WDHD1: variants seen among roughly 807,000 people sequenced by gnomAD.
WDHD1 encodes the protein WD repeat and HMG-box DNA-binding protein 1.
WDHD1 carries 111 observed loss-of-function variants against 135.4 expected under a neutral mutation model. That is an observed-to-expected ratio of 0.82 (90% CI 0.70 to 0.96). The LOEUF is 0.96. Ranked by LOEUF, WDHD1 falls within the 40% of genes least tolerant of loss-of-function variation. WDHD1 has a pLI of 0.00. For missense variants in WDHD1, 1,351 were observed against 1,336.3 expected, an observed-to-expected ratio of 1.01 and a Z score of -0.17; for synonymous variants, 434 against 439.0, an observed-to-expected ratio of 0.99 and a Z score of 0.14.
At chr14:55,026,887 C>T in intron 1 of WDHD1, 84 bp from the exon 2 acceptor site, 3 of 1,323,608 alleles carry the variant, frequency 2.3e-6, no homozygotes, top group Non-Finnish European at 3.2e-6. Context: ...GCTTAGTCTC[C>T]TCTAGGGCCC....
chr14:54,954,483 A>G (rs1230110539), intron 24 of WDHD1, among the ~76,000 whole-genome samples: 1 of 152,218 alleles, frequency 6.6e-6, no homozygotes, highest in African/African-American at 2.4e-5. Flanking sequence ...ACCATACATG[A>G]ATCCATCTTA....
At chr14:54,990,426 T>A (rs1311761969) in intron 12 of WDHD1, among the ~76,000 whole-genome samples, 1 of 151,932 alleles carries the variant, frequency 6.6e-6, no homozygotes, top group Non-Finnish European at 1.5e-5. Flanking sequence ...TGAAATCCCA[T>A]CTCTACTAAA....
chr14:54,948,182 T>C (rs1054363625), intron 24 of WDHD1, among the ~76,000 whole-genome samples: 3 of 152,114 alleles, frequency 2.0e-5, no homozygotes, highest in African/African-American at 7.2e-5. Flanking sequence ...TTCATCTCAC[T>C]AGGGCTTGTC....
At chr14:54,949,380 T>C (rs1311551863) in intron 24 of WDHD1, among the ~76,000 whole-genome samples, 3 of 152,018 alleles carry the variant, frequency 2.0e-5, no homozygotes, top group Non-Finnish European at 2.9e-5. Flanking sequence ...GCCAATTCAA[T>C]CAACTGGAAG....
At position 54,957,173 on chromosome 14, in the gene WDHD1, G is replaced by C. The variant is rs767431091; in HGVS notation, c.2777C>G (p.Ser926Ter). 3 of 1,614,012 alleles carry C rather than the reference G, an allele frequency of 1.9e-6. No homozygotes were observed. The East Asian group carries it at 6.7e-5, about 36-fold the overall frequency. ...ATTAGTTGAACGTGCTGAATTCATTGACATGGCTGGTTCTTTGGAACTGGC... is the reference window on the plus strand; with the variant it reads ...ATTAGTTGAACGTGCTGAATTCATTCACATGGCTGGTTCTTTGGAACTGGC... ...VSASSKEPAMSMNSARSTNIL... is the reference protein window; with the variant it reads ...VSASSKEPAM The change falls in exon 23 of 26, where the codon TCA becomes TGA. Residue 926 changes from serine (S) to a stop codon, truncating the protein, a stop_gained. Coordinates refer to ENST00000360586, the MANE Select transcript of WDHD1 (RefSeq NM_007086.4). LOFTEE classifies it high-confidence loss of function.
chr14:55,015,543 T>C (rs2042246641), intron 2 of WDHD1, among the ~76,000 whole-genome samples: 1 of 152,134 alleles, frequency 6.6e-6, no homozygotes, highest in Admixed American at 6.5e-5. Flanking sequence ...TTCCTACCCT[T>C]TCCTGATGCA....
chr14:55,015,353 G>A (rs897975523), intron 2 of WDHD1, among the ~76,000 whole-genome samples: 3 of 115,716 alleles, frequency 2.6e-5, no homozygotes, highest in African/African-American at 9.9e-5. Context: ...CACTACTGTA[G>A]CCTGGGAAAC....
Position 54,984,810 on chromosome 14 carries a change from C to G in WDHD1, c.1819G>C (p.Gly607Arg), listed in dbSNP as rs747829304. 3.1e-6 allele frequency: 5 copies of G among 1,613,152 alleles called. No individual in the cohort carries two copies. The African/African-American group carries it at 6.7e-5, about 22-fold the overall frequency. ...QCLGVQLLEL[G>R]KKKKQILHGD... ...TGCAAAATTTGTTTTTTCTTTTTCC[C>G]CAGCTCTAGCAGTTGAACTCCAAGG... is the stretch of plus-strand genomic sequence containing the variant. Residue 607 changes from glycine to arginine, a missense_variant, in exon 15 of 26, where the codon GGG becomes CGG. Gly to Arg is a moderately radical substitution (Grantham distance 125). Coordinates refer to ENST00000360586, the MANE Select transcript of WDHD1 (RefSeq NM_007086.4).
chr14:54,997,537 A>C (rs966573114), intron 10 of WDHD1, among the ~76,000 whole-genome samples: 2 of 152,338 alleles, frequency 1.3e-5, no homozygotes, highest in African/African-American at 4.8e-5. Context: ...TGCTATAAGA[A>C]GATATTCAAC....
rs757518680 is a variant in WDHD1 at position 54,984,860 on chromosome 14, C to T, written c.1769G>A (p.Gly590Asp). 3.4e-5 allele frequency: 55 copies of T among 1,608,082 alleles called. No homozygotes were observed. The highest frequency in any genetic ancestry group is 4.2e-5 in the Non-Finnish European group (49 of 1,178,396). Residue 590 changes from glycine to aspartate, a missense_variant and splice_region_variant, in exon 15 of 26, where the codon GGT becomes GAT. This residue lies in a region of WDHD1 where 1,330 missense variants were observed against 1,296.1 expected (regional missense o/e 1.03). Transcript: ENST00000360586. ...GEQLFIVYHR[G>D]TGFDGDQCLG... ...GCACTGATCCCCATCAAATCCTGTACCTAATGAGAAAATGTAAATATAAAT... is the reference window on the plus strand; with the variant it reads ...GCACTGATCCCCATCAAATCCTGTATCTAATGAGAAAATGTAAATATAAAT...
At chr14:55,000,070 T>C (rs1241237265) in intron 10 of WDHD1, among the ~76,000 whole-genome samples, 3 of 152,130 alleles carry the variant, frequency 2.0e-5, no homozygotes, top group African/African-American at 4.8e-5. Flanking sequence ...TGAATATAAA[T>C]AGGTACATCT....
At chr14:55,017,691 G>C (rs192621686) in intron 2 of WDHD1, among the ~76,000 whole-genome samples, 2 of 152,084 alleles carry the variant, frequency 1.3e-5, no homozygotes, top group African/African-American at 4.8e-5. Context: ...AAACACAAAA[G>C]TACTTGAATT....
In WDHD1 at chr14:54,957,626, G is replaced by A; in HGVS notation, c.2711C>T (p.Thr904Ile). 1 of 1,606,200 alleles carries A rather than the reference G, an allele frequency of 6.2e-7. No individual in the cohort carries two copies. Among genetic ancestry groups the A allele is most frequent in the African/African-American group, 1.3e-5 (1 of 74,506 alleles). The change falls in exon 22 of 26, where the codon ACC (threonine) becomes ATC (isoleucine). Residue 904 changes from threonine (T) to isoleucine (I), a missense_variant. This residue lies in a region of WDHD1 where 1,330 missense variants were observed against 1,296.1 expected (regional missense o/e 1.03). Transcript: ENST00000360586. Reference protein sequence around the residue: ...SDVSAKSGAVTFSSQGRVNPF... With the variant: ...SDVSAKSGAVIFSSQGRVNPF... ...ATTTACTCGTCCTTGGCTGCTAAAG[G>A]TAACTGCACCTTTCACAAAAAAGAA... is the stretch of plus-strand genomic sequence containing the variant.
At chr14:55,016,844 T>C (rs1233594744) in intron 2 of WDHD1, among the ~76,000 whole-genome samples, 1 of 152,192 alleles carries the variant, frequency 6.6e-6, no homozygotes, top group Non-Finnish European at 1.5e-5. Context: ...GGTGCAAGCA[T>C]AAAAAGTGAA....
Position 55,008,537 on chromosome 14 carries a change from G to C in WDHD1, c.453+71C>G. ...AGTTGAGTTAGCAGAAAATTTTTTA[G>C]AGAGTTAGTAGGAAATATATTTTTA... On this transcript the variant is annotated intron_variant, in intron 5 of 25. Transcript: ENST00000360586. 8 of 1,479,632 alleles carry C rather than the reference G, an allele frequency of 5.4e-6. 1 individual carries two copies. In the South Asian group the frequency reaches 9.0e-5, roughly 17 times the overall value. The allele number at this position is 1,479,632 out of a possible 1,614,324, so 91.7% of individuals were successfully genotyped here.
At position 54,939,485 on chromosome 14, in the gene WDHD1, G is replaced by A. The variant is rs1393537582; in HGVS notation, c.*2005C>T. The stretch of plus-strand genomic sequence containing the variant: ...ATTAAGTATATGTCAATTTTCTATA[G>A]TATACAATAAGCTCAAGTAGGCAAT... On this transcript the variant is annotated 3_prime_UTR_variant, in exon 26 of 26. Transcript: ENST00000360586. 1 of 151,296 alleles carries A rather than the reference G, an allele frequency of 6.6e-6. No individual in the cohort carries two copies. The allele number at this position is 151,296 out of a possible 1,614,324, so 9.4% of individuals were successfully genotyped here.
At chr14:55,013,633 T>C (rs1419911751) in intron 2 of WDHD1, 37 bp from the exon 3 acceptor site, 1 of 1,507,608 alleles carries the variant, frequency 6.6e-7, no homozygotes, top group Non-Finnish European at 9.2e-7. Context: ...TCATCGGGCA[T>C]GGTGTCTCAT....
rs768092361 is a variant in WDHD1, at chr14:55,026,716, A to G, written c.72T>C (p.Ser24=). ...TGTTTCTCAAAGAACCTTACCTCCC[A>G]GAATCATCAAAACAGACCTCCGTGT... ...EGHTEVCFDD[S]GSFIVTCGSD... Residue 24 remains serine, a synonymous_variant, in exon 2 of 26, where the codon TCT becomes TCC. Coordinates refer to ENST00000360586, the MANE Select transcript of WDHD1 (RefSeq NM_007086.4). 1.2e-6 allele frequency: 2 copies of G among 1,614,226 alleles called. No homozygotes were observed. The highest frequency in any genetic ancestry group is 3.3e-5 in the Admixed American group (2 of 60,022).
rs7151285 is a variant in WDHD1, at chr14:54,941,274, C to T, written c.*216G>A. 1,659 of 386,946 alleles carry T rather than the reference C, an allele frequency of 4.3e-3. 22 individuals carry two copies. The highest frequency in any genetic ancestry group is 0.032 in the African/African-American group (1,528 of 48,458). 24.0% of individuals were successfully genotyped at this position (386,946 alleles called of 1,614,324 possible). A position where few individuals can be genotyped will look rare whatever the true frequency, so the allele number is the denominator to read the frequency against. Reference sequence around the variant, plus strand: ...ACAATCACAATGCATCTCTGAAAGGCCCTGCATTTGGAGGCAGAGTAATCT... The same window carrying T: ...ACAATCACAATGCATCTCTGAAAGGTCCTGCATTTGGAGGCAGAGTAATCT... On this transcript the variant is annotated 3_prime_UTR_variant, in exon 26 of 26. Coordinates refer to ENST00000360586, the MANE Select transcript of WDHD1 (RefSeq NM_007086.4).
Sources: allele counts gnomAD v4.1 joint callset (sites outside exome capture counted in the v4.1 genomes callset), GRCh38; gene constraint gnomAD v4.1.1; regional missense constraint gnomAD v4.1.1; transcripts MANE v1.5; gene names NCBI Gene and HGNC (gene_info 2026-07-23, HGNC 2026-07-21).